ZSCAN18: variants seen among roughly 807,000 people sequenced by gnomAD.
The protein encoded by ZSCAN18 is zinc finger and SCAN domain-containing protein 18.
ZSCAN18 carries 16 observed loss-of-function variants against 31.1 expected under a neutral mutation model. The ratio of observed to expected loss-of-function variants is 0.51; its 90% CI spans 0.35 to 0.78. The LOEUF (loss-of-function observed/expected upper bound fraction) is 0.78, where lower values mean the gene tolerates loss of function less well. Among genes scored for constraint, ZSCAN18 ranks in the 30% least tolerant of loss-of-function variants. The pLI, the probability that ZSCAN18 is intolerant of heterozygous loss-of-function variation, is 0.01. For synonymous variants in ZSCAN18, 375 were observed against 320.7 expected (o/e 1.17, Z -1.81); for missense variants, 731 against 697.4 (o/e 1.05, Z -0.54).
intron 6 of ZSCAN18, 174 bp downstream of exon 6, chr19:58,086,000 G>A: frequency 3.2e-6 from 2 of 620,734 alleles, no homozygotes; most frequent in Non-Finnish European, 5.8e-6. Context: ...CATGCAGCAA[G>A]AGACCATGGA....
chr19:58,084,501 G>A lies in ZSCAN18; in HGVS notation c.*184C>T. Reference sequence around the variant, plus strand: ...TGGCCCAGGGTGTGTTTACAGAGGTGAGGGCTTCCCGTGGACCCTTCTCGT... The same window carrying A: ...TGGCCCAGGGTGTGTTTACAGAGGTAAGGGCTTCCCGTGGACCCTTCTCGT... On this transcript the variant is annotated 3_prime_UTR_variant, in exon 7 of 7. Transcript: ENST00000601144. This position sits in a 1 kb window ranked among gnomAD's most constrained non-coding sequence, Gnocchi z 4.5. 3.4e-6 allele frequency: 2 copies of A among 580,002 alleles called. No homozygotes were observed. Among genetic ancestry groups the A allele is most frequent in the South Asian group, 6.1e-5 (2 of 32,530 alleles). The allele number at this position is 580,002 out of a possible 1,614,324, so 35.9% of individuals were successfully genotyped here.
chr19:58,086,265 C>A lies in ZSCAN18; in HGVS notation c.747G>T (p.Gly249=). The A allele has an allele frequency of 6.2e-7, 1 of 1,613,386 alleles. No individual in the cohort carries two copies. Among genetic ancestry groups the A allele is most frequent in the South Asian group, 1.1e-5 (1 of 91,074 alleles). ...LKSYRKLLLW[G]YQLSQPDAAS... Reference sequence around the variant, plus strand: ...CAGCGTCAGGCTGGGAAAGCTGATACCCTGAGTGGGGTTAAAAACCAAAGA... The same window carrying A: ...CAGCGTCAGGCTGGGAAAGCTGATAACCTGAGTGGGGTTAAAAACCAAAGA... Residue 249 remains glycine, a splice_region_variant and synonymous_variant, in exon 6 of 7, where the codon GGG becomes GGT. Transcript: ENST00000601144.
In ZSCAN18 at chr19:58,084,903, T is replaced by A; in HGVS notation, c.1315A>T (p.Lys439Ter). The change falls in exon 7 of 7, where the codon AAG (lysine) becomes TAG (stop). Residue 439 changes from lysine to a stop codon, truncating the protein, a stop_gained. Coordinates refer to ENST00000601144, the MANE Select transcript of ZSCAN18 (RefSeq NM_001145543.2). LOFTEE classifies it low-confidence loss of function (END_TRUNC). The surrounding 1 kb of genome is among the most constrained non-coding windows in gnomAD (Gnocchi z 4.5). ...CAGCAGCCCTGACAGGCGTAGCGCT[T>A]CCGGCCGCCATGGCTGCTGTGGTGC... ...MEHHSSHGGR[K>*]RYACQGCWKT... 1 of 1,593,814 alleles carries A rather than the reference T, an allele frequency of 6.3e-7. No homozygotes were observed.
rs192480180 is a variant in ZSCAN18 at position 58,091,304 on chromosome 19, A to G, written c.-119-918T>C. ...AAAAAGATAGATTATAGGGATGTCA[A>G]TTTCTAATAACATGAAGGAGCTAGG... On this transcript the variant is annotated intron_variant, in intron 1 of 6. Coordinates refer to ENST00000601144, the MANE Select transcript of ZSCAN18 (RefSeq NM_001145543.2). Among the ~76,000 whole-genome samples, 542 of 151,702 alleles carry G rather than the reference A, an allele frequency of 3.6e-3. 4 individuals carry two copies. The highest frequency in any genetic ancestry group is 0.012 in the African/African-American group (486 of 41,360).
intron 1 of ZSCAN18, among the ~76,000 whole-genome samples, chr19:58,117,007 C>T (rs1333897467): frequency 6.6e-6 from 1 of 152,216 alleles, no homozygotes; most frequent in East Asian, 1.9e-4. Flanking sequence ...CCTGCCTCAG[C>T]CTCCCGAGCA....
chr19:58,092,200 C>T (rs1168111492), intron 1 of ZSCAN18, among the ~76,000 whole-genome samples: 1 of 152,116 alleles, frequency 6.6e-6, no homozygotes, highest in Non-Finnish European at 1.5e-5. Flanking sequence ...ATATTAAAAA[C>T]CAATGAACTG....
At chr19:58,088,634 C>T in intron 3 of ZSCAN18, 54 bp downstream of exon 3, 2 of 1,580,454 alleles carry the variant, frequency 1.3e-6, no homozygotes, top group Non-Finnish European at 1.7e-6. Context: ...CAGGCCTCTG[C>T]CCAACACCCC....
At chr19:58,094,247 A>AT (rs1401412221) in intron 1 of ZSCAN18, among the ~76,000 whole-genome samples, 84 of 151,120 alleles carry the variant, frequency 5.6e-4, no homozygotes, top group African/African-American at 1.7e-3. Context: ...AATACAAAAA[A>AT]AAAAATAATA....
At position 58,089,778 on chromosome 19, in the gene ZSCAN18, C is replaced by T. The variant is rs1478176139; in HGVS notation, c.403+87G>A. 6.7e-6 allele frequency: 10 copies of T among 1,492,514 alleles called. No individual in the cohort carries two copies. The African/African-American group carries it at 7.0e-5, about 10-fold the overall frequency. The allele number at this position is 1,492,514 out of a possible 1,614,324, so 92.5% of individuals were successfully genotyped here. A position where few individuals can be genotyped will look rare whatever the true frequency, so the allele number is the denominator to read the frequency against. On this transcript the variant is annotated intron_variant, in intron 2 of 6. Coordinates refer to ENST00000601144, the MANE Select transcript of ZSCAN18 (RefSeq NM_001145543.2). ...TCAGCAGTGTGGGGAACTTAACTAT[C>T]TCAGGCAAGCCATGGCTGGCACTGG...
intron 1 of ZSCAN18, among the ~76,000 whole-genome samples, chr19:58,109,489 GA>G (rs2074661979): frequency 6.6e-6 from 1 of 152,168 alleles, no homozygotes; most frequent in South Asian, 2.1e-4. Flanking sequence ...TATGTTCATA[GA>G]AACACTCTTT....
chr19:58,117,821 C>A (rs1242998226), intron 1 of ZSCAN18, among the ~76,000 whole-genome samples: 1 of 151,804 alleles, frequency 6.6e-6, no homozygotes, highest in Non-Finnish European at 1.5e-5. Flanking sequence ...AGAAATGAGC[C>A]CCCGCCCCAA....
At chr19:58,117,032 C>T (rs996026238) in intron 1 of ZSCAN18, among the ~76,000 whole-genome samples, 9 of 152,096 alleles carry the variant, frequency 5.9e-5, no homozygotes, top group South Asian at 4.1e-4. Flanking sequence ...GGATTAAAAG[C>T]GCGTGCTTTA....
intron 1 of ZSCAN18, among the ~76,000 whole-genome samples, chr19:58,117,148 G>C (rs10405350): frequency 0.73 from 111,542 of 151,824 alleles, 42,213 homozygotes; most frequent in Non-Finnish European, 0.84. Flanking sequence ...TAAGCCATGG[G>C]ATTTTGGACA....
rs759480440 is a variant in ZSCAN18, at chr19:58,086,273, G to A, written c.746-7C>T. On this transcript the variant is annotated splice_region_variant and splice_polypyrimidine_tract_variant and intron_variant, in intron 5 of 6. Coordinates refer to ENST00000601144, the MANE Select transcript of ZSCAN18 (RefSeq NM_001145543.2). ...GGCTGGGAAAGCTGATACCCTGAGTGGGGTTAAAAACCAAAGAAATAAAAG... is the reference window on the plus strand; with the variant it reads ...GGCTGGGAAAGCTGATACCCTGAGTAGGGTTAAAAACCAAAGAAATAAAAG... 6.2e-7 allele frequency: 1 copy of A among 1,613,106 alleles called. No homozygotes were observed. Among genetic ancestry groups the A allele is most frequent in the Non-Finnish European group, 8.5e-7 (1 of 1,179,362 alleles).
chr19:58,086,323 G>T, intron 5 of ZSCAN18, 57 bp from the exon 6 acceptor site: 1 of 1,521,092 alleles, frequency 6.6e-7, no homozygotes, highest in Non-Finnish European at 9.1e-7. Context: ...TGGCTGATGG[G>T]TGTTGTGTGT....
chr19:58,103,973 C>G (rs930193167), intron 1 of ZSCAN18, among the ~76,000 whole-genome samples: 1 of 152,174 alleles, frequency 6.6e-6, no homozygotes, highest in African/African-American at 2.4e-5. Flanking sequence ...GATAGGAGAT[C>G]AAACTACCCA....
chr19:58,105,705 C>T (rs907224005), intron 1 of ZSCAN18, among the ~76,000 whole-genome samples: 2 of 151,982 alleles, frequency 1.3e-5, no homozygotes, highest in African/African-American at 2.4e-5. Flanking sequence ...TGCAGCTATG[C>T]GTGGTGGCTC....
rs143336953 is a variant in ZSCAN18 at position 58,085,331 on chromosome 19, G to C, written c.887C>G (p.Ala296Gly). ...CAGCTCAGGCAGCACCCCCGCGGGG[G>C]CGGCCTCCTCGCAGGCGCACCCAGC... ...ESAGCACEEA[A>G]PAGVLPELPT... Residue 296 changes from alanine to glycine, a missense_variant, in exon 7 of 7, where the codon GCC becomes GGC. Physicochemically the swap from Ala to Gly is moderately conservative, Grantham distance 60. This residue lies in a region of ZSCAN18 where 597 missense variants were observed against 499.5 expected (regional missense o/e 1.20). Transcript: ENST00000601144. 5.2e-4 allele frequency: 830 copies of C among 1,594,822 alleles called. 6 individuals carry two copies. The African/African-American group carries it at 0.01, about 19-fold the overall frequency.
intron 1 of ZSCAN18, among the ~76,000 whole-genome samples, chr19:58,111,357 T>A (rs77498235): frequency 0.026 from 3,905 of 151,700 alleles, 154 homozygotes; most frequent in African/African-American, 0.086. Flanking sequence ...CCGAAAAAAA[T>A]TTTTTTTAAG....
Sources: allele counts gnomAD v4.1 joint callset (sites outside exome capture counted in the v4.1 genomes callset), GRCh38; gene constraint gnomAD v4.1.1; regional missense constraint gnomAD v4.1.1; non-coding constraint Gnocchi (gnomAD v3.1); transcripts MANE v1.5; gene names NCBI Gene and HGNC (gene_info 2026-07-23, HGNC 2026-07-21).